The following YAE1 variants were observed in gnomAD, a reference collection of about 807,000 sequenced individuals.
YAE1 encodes YAE1 maturation factor of ABCE1.
A neutral mutation model predicts 23.0 loss-of-function variants in YAE1; 22 were observed. That is an observed-to-expected ratio of 0.96 (90% CI 0.68 to 1.37). The LOEUF (loss-of-function observed/expected upper bound fraction) is 1.37, where lower values mean the gene tolerates loss of function less well. Among genes scored for constraint, YAE1 ranks in the 40% most tolerant of loss-of-function variants. The pLI is 0.00. For synonymous variants in YAE1, 101 were observed against 97.0 expected (o/e 1.04, Z -0.24); for missense variants, 260 against 262.1 (o/e 0.99, Z 0.06).
chr7:39,590,230 CAACTT>C (rs1179500560), intron 2 of YAE1, among the ~76,000 whole-genome samples: 16 of 152,128 alleles, frequency 1.1e-4, no homozygotes, highest in Admixed American at 7.9e-4. Context: ...ATTCCCAACA[CAACTT>C]AAATGGTAAT....
At chr7:39,588,856 A>G (rs965351860) in intron 2 of YAE1, among the ~76,000 whole-genome samples, 2 of 150,282 alleles carry the variant, frequency 1.3e-5, no homozygotes, top group Admixed American at 1.3e-4. Flanking sequence ...CAGAGTCTTT[A>G]TCTGTCGCCC....
At chr7:39,611,397 G>A (rs1395505257), downstream of YAE1, among the ~76,000 whole-genome samples, 1 of 152,166 alleles carries the variant, frequency 6.6e-6, no homozygotes, top group Non-Finnish European at 1.5e-5. Context: ...CCTCTAAAGG[G>A]AAAAGGTCTC....
At chr7:39,568,648 T>C (rs1349064548) in intron 1 of YAE1, among the ~76,000 whole-genome samples, 1 of 152,196 alleles carries the variant, frequency 6.6e-6, no homozygotes, top group East Asian at 1.9e-4. Context: ...AAAATGCTGT[T>C]TACTAAATCA....
At chr7:39,570,105 G>A (rs953435919) in intron 1 of YAE1, 23 of 1,022,868 alleles carry the variant, frequency 2.2e-5, no homozygotes, top group South Asian at 4.1e-5. Context: ...GTGATGATGC[G>A]TACGTTGCTC....
intron 2 of YAE1, 67 bp from the exon 3 acceptor site, chr7:39,572,210 T>C (rs1790578810): frequency 4.1e-6 from 6 of 1,450,256 alleles, no homozygotes; most frequent in South Asian, 1.4e-5. Context: ...TTAATTGTTA[T>C]TGAAAGATAG....
At chr7:39,610,153 A>G (rs1791189021) in exon 3 of YAE1, 1 of 802,130 alleles carries the variant, frequency 1.2e-6, no homozygotes, top group Non-Finnish European at 1.9e-6. Context: ...TATGAAGAGA[A>G]GATTTGGGAG....
exon 3 of YAE1, chr7:39,609,711 G>A (rs1318797584): frequency 1.3e-6 from 2 of 1,535,622 alleles, no homozygotes; most frequent in Non-Finnish European, 8.7e-7. Flanking sequence ...CCCGGTCCCC[G>A]GCCACATGGC....
intron 2 of YAE1, among the ~76,000 whole-genome samples, chr7:39,604,334 T>A (rs1337805526): frequency 6.6e-6 from 1 of 152,246 alleles, no homozygotes; most frequent in Non-Finnish European, 1.5e-5. Context: ...TAAACCATTC[T>A]TTTGGCAAGA....
chr7:39,585,463 A>C lies in YAE1; in HGVS notation c.251+14836A>C, dbSNP rs578036317. ...AACACAGGGAAAGCGGCCATCTGCA[A>C]GCCAAGGAGAGGGGCCTCAGAAAAA... On this transcript the variant is annotated intron_variant, in intron 2 of 2. Transcript: ENST00000432096. Among the ~76,000 whole-genome samples the C allele has an allele frequency of 5.9e-5, 9 of 152,286 alleles. No homozygotes were observed. In the South Asian group the frequency reaches 1.9e-3, roughly 32 times the overall value.
chr7:39,611,417 A>G (rs556440727), downstream of YAE1, among the ~76,000 whole-genome samples: 84 of 152,354 alleles, frequency 5.5e-4, no homozygotes, highest in Non-Finnish European at 1.0e-3. Flanking sequence ...CCCCTGGAGC[A>G]GGAGCATCAG....
chr7:39,590,060 G>A (rs540413136), intron 2 of YAE1, among the ~76,000 whole-genome samples: 1 of 152,270 alleles, frequency 6.6e-6, no homozygotes, highest in South Asian at 2.1e-4. Context: ...CAGAACACAA[G>A]GGAATGTAAT....
chr7:39,585,566 C>G (rs1433250808), intron 2 of YAE1, among the ~76,000 whole-genome samples: 1 of 152,190 alleles, frequency 6.6e-6, no homozygotes, highest in Non-Finnish European at 1.5e-5. Context: ...TCAACCCACC[C>G]GTTCTGTGGT....
downstream of YAE1, among the ~76,000 whole-genome samples, chr7:39,577,497 T>A (rs1790673072): frequency 6.6e-6 from 1 of 152,146 alleles, no homozygotes; most frequent in South Asian, 2.1e-4. Context: ...TGGCAGGCCC[T>A]GCACTTGGAG....
Position 39,572,836 on chromosome 7 carries a change from A to G in YAE1, c.*130A>G. ...CCCTTTATGGAAGTTTGAAATTAAC[A>G]CTATTGTCTTCAAAATTAACACTAT... On this transcript the variant is annotated 3_prime_UTR_variant, in exon 3 of 3. Transcript: ENST00000223273. 7.2e-7 allele frequency: 1 copy of G among 1,387,240 alleles called. No homozygotes were observed. The highest frequency in any genetic ancestry group is 9.3e-7 in the Non-Finnish European group (1 of 1,074,070). The allele number at this position is 1,387,240 out of a possible 1,614,324, so 85.9% of individuals were successfully genotyped here. A position where few individuals can be genotyped will look rare whatever the true frequency, so the allele number is the denominator to read the frequency against.
At chr7:39,603,733 C>G (rs139379059) in intron 2 of YAE1, among the ~76,000 whole-genome samples, 169 of 152,254 alleles carry the variant, frequency 1.1e-3, no homozygotes, top group South Asian at 1.7e-3. Context: ...AAATTTAACA[C>G]ACACAAAGTT....
exon 3 of YAE1, chr7:39,610,266 A>C: frequency 1.9e-6 from 1 of 524,976 alleles, no homozygotes. Flanking sequence ...AAGCCCAACA[A>C]ACTATGTGTC....
Position 39,572,584 on chromosome 7 carries a change from A to G in YAE1, c.559A>G (p.Arg187Gly). The change falls in exon 3 of 3, where the codon AGA becomes GGA. Residue 187 changes from arginine to glycine, a missense_variant. Transcript: ENST00000223273. ...AGATTGTTCATATGTAGAATGTTGT[A>G]GAACACAGGAGCATGCACATTCAGA... ...GIDCSYVECC[R>G]TQEHAHSENP... 3 of 1,614,162 alleles carry G rather than the reference A, an allele frequency of 1.9e-6. No individual in the cohort carries two copies. The highest frequency in any genetic ancestry group is 2.5e-6 in the Non-Finnish European group (3 of 1,179,980).
chr7:39,587,410 G>T (rs1287179415), intron 2 of YAE1, among the ~76,000 whole-genome samples: 3 of 151,980 alleles, frequency 2.0e-5, no homozygotes, highest in Non-Finnish European at 4.4e-5. Flanking sequence ...GAAATCAAGT[G>T]TCCTGACTTT....
Position 39,570,096 on chromosome 7 carries a change from T to G in YAE1, c.130-410T>G. 3 of 1,071,408 alleles carry G rather than the reference T, an allele frequency of 2.8e-6. No homozygotes were observed. The Admixed American group carries it at 5.3e-5, about 19-fold the overall frequency. 66.4% of individuals were successfully genotyped at this position (1,071,408 alleles called of 1,614,324 possible). On this transcript the variant is annotated intron_variant, in intron 1 of 2. Coordinates refer to ENST00000223273, the MANE Select transcript of YAE1 (RefSeq NM_020192.5). The stretch of plus-strand genomic sequence containing the variant: ...AGCAGCTCTCTCCAGTTCTTGTCTG[T>G]GATGATGCGTACGTTGCTCTGCCGC...
Sources: allele counts gnomAD v4.1 joint callset (sites outside exome capture counted in the v4.1 genomes callset), GRCh38; gene constraint gnomAD v4.1.1; transcripts MANE v1.5; gene names NCBI Gene and HGNC (gene_info 2026-07-23, HGNC 2026-07-21).